ARHGEF28: variants seen among roughly 807,000 people sequenced by gnomAD.
ARHGEF28 encodes Rho guanine nucleotide exchange factor 28.
In ARHGEF28, 152 loss-of-function variants were observed where a neutral mutation model predicts 206.6. The observed-to-expected ratio is 0.74, with a 90% CI of 0.64 to 0.84. The LOEUF is 0.84. Among genes scored for constraint, ARHGEF28 ranks in the 40% least tolerant of loss-of-function variants. The probability of loss-of-function intolerance (pLI) is 0.00; values close to 1 mark genes in which losing one functional copy is unlikely to be tolerated. For synonymous variants in ARHGEF28, 763 were observed against 776.4 expected (o/e 0.98, Z 0.29); for missense variants, 2,028 against 2,073.2 (o/e 0.98, Z 0.42).
chr5:73,767,811 G>A (rs1400823316), intron 4 of ARHGEF28, among the ~76,000 whole-genome samples: 1 of 152,188 alleles, frequency 6.6e-6, no homozygotes, highest in Non-Finnish European at 1.5e-5. Flanking sequence ...AGACAATGGG[G>A]AAAATGTCTC....
At chr5:73,639,796 C>G in intron 1 of ARHGEF28, among the ~76,000 whole-genome samples, 1 of 152,136 alleles carries the variant, frequency 6.6e-6, no homozygotes, top group East Asian at 1.9e-4. Context: ...TGGGGGTTGA[C>G]ATTTATGCAA....
At chr5:73,798,701 G>T (rs1754967667) in intron 9 of ARHGEF28, among the ~76,000 whole-genome samples, 1 of 152,054 alleles carries the variant, frequency 6.6e-6, no homozygotes, top group Non-Finnish European at 1.5e-5. Context: ...GGAAACAGAA[G>T]AAAAGAAGGT....
At chr5:73,927,271 G>C (rs1763872819) in intron 35 of ARHGEF28, among the ~76,000 whole-genome samples, 1 of 152,134 alleles carries the variant, frequency 6.6e-6, no homozygotes, top group African/African-American at 2.4e-5. Context: ...TAGCTACTTG[G>C]GGGGCTGAGG....
intron 2 of ARHGEF28, among the ~76,000 whole-genome samples, chr5:73,741,821 C>T (rs1039336772): frequency 6.6e-6 from 1 of 151,972 alleles, no homozygotes; most frequent in Non-Finnish European, 1.5e-5. Context: ...TTAATTATTT[C>T]TTTGGGTAAG....
At chr5:73,836,303 C>CT (rs58880911) in intron 10 of ARHGEF28, among the ~76,000 whole-genome samples, 4,581 of 126,264 alleles carry the variant, frequency 0.036, 249 homozygotes, top group African/African-American at 0.12. Flanking sequence ...TCCTTGTCAG[C>CT]TTTTTTTTTT....
intron 7 of ARHGEF28, among the ~76,000 whole-genome samples, chr5:73,789,498 G>T (rs970114884): frequency 6.6e-6 from 1 of 151,964 alleles, no homozygotes; most frequent in Admixed American, 6.6e-5. Flanking sequence ...TTATGGTGAT[G>T]GTTGCAGAAC....
intron 28 of ARHGEF28, 97 bp from the exon 29 acceptor site, chr5:73,894,296 A>T (rs1761824939): frequency 2.4e-6 from 3 of 1,272,608 alleles, no homozygotes; most frequent in Non-Finnish European, 3.2e-6. Context: ...TGGAGGTCTT[A>T]CTGCTTGCTA....
intron 11 of ARHGEF28, among the ~76,000 whole-genome samples, chr5:73,843,300 G>A (rs542774749): frequency 6.6e-6 from 1 of 152,306 alleles, no homozygotes; most frequent in African/African-American, 2.4e-5. Context: ...TCAGGGGAAA[G>A]GGAGGAAGCC....
intron 9 of ARHGEF28, among the ~76,000 whole-genome samples, chr5:73,824,271 A>G (rs1055933426): frequency 5.9e-5 from 9 of 152,044 alleles, no homozygotes; most frequent in African/African-American, 2.2e-4. Context: ...GTTTTACACA[A>G]TCTGTTTGTA....
chr5:73,786,415 G>A (rs1224704925), intron 7 of ARHGEF28: 1 of 152,204 alleles, frequency 6.6e-6, no homozygotes, highest in Admixed American at 6.5e-5. Flanking sequence ...ATAGAGCAGA[G>A]GACTGATCTA....
intron 1 of ARHGEF28, among the ~76,000 whole-genome samples, chr5:73,664,931 C>T (rs1302995641): frequency 6.6e-6 from 1 of 152,154 alleles, no homozygotes; most frequent in Non-Finnish European, 1.5e-5. Flanking sequence ...CCTAGTTTCC[C>T]ATGCTAGGAA....
chr5:73,662,276 A>G (rs1240644019), intron 1 of ARHGEF28, among the ~76,000 whole-genome samples: 6 of 152,258 alleles, frequency 3.9e-5, no homozygotes, highest in Non-Finnish European at 7.3e-5. Flanking sequence ...GTGTTGCTTT[A>G]GGAAACACAT....
intron 14 of ARHGEF28, among the ~76,000 whole-genome samples, chr5:73,856,406 A>G (rs1759038138): frequency 6.6e-6 from 1 of 152,218 alleles, no homozygotes; most frequent in Admixed American, 6.5e-5. Context: ...TTTAAGTAAC[A>G]GGACATAACA....
chr5:73,774,637 C>T (rs1753442223), intron 5 of ARHGEF28, among the ~76,000 whole-genome samples: 1 of 152,074 alleles, frequency 6.6e-6, no homozygotes, highest in African/African-American at 2.4e-5. Flanking sequence ...AATTTGTAAA[C>T]TATAATGTTC....
intron 1 of ARHGEF28, among the ~76,000 whole-genome samples, chr5:73,638,857 T>C (rs530950104): frequency 1.6e-4 from 24 of 152,222 alleles, no homozygotes; most frequent in Non-Finnish European, 3.5e-4. Flanking sequence ...CATTTTTTCC[T>C]GCCAGGTGCC....
At chr5:73,915,687 T>C (rs1178134427) in intron 35 of ARHGEF28, among the ~76,000 whole-genome samples, 1 of 152,208 alleles carries the variant, frequency 6.6e-6, no homozygotes, top group Non-Finnish European at 1.5e-5. Flanking sequence ...TGGCTTTTTT[T>C]CTCCTAGCTT....
rs1761747888 is a variant in ARHGEF28 at position 73,893,135 on chromosome 5, A to G, written c.3567-62A>G. 3 of 1,316,464 alleles carry G rather than the reference A, an allele frequency of 2.3e-6. No individual in the cohort carries two copies. In the African/African-American group the frequency reaches 4.5e-5, roughly 20 times the overall value. The allele number at this position is 1,316,464 out of a possible 1,614,324, so 81.5% of individuals were successfully genotyped here. A position where few individuals can be genotyped will look rare whatever the true frequency, so the allele number is the denominator to read the frequency against. Reference sequence around the variant, plus strand: ...TATTGCCAAGTTCCCATGTTTTTCTAATGAATCTACAGATACTTGCATTTG... The same window carrying G: ...TATTGCCAAGTTCCCATGTTTTTCTGATGAATCTACAGATACTTGCATTTG... On this transcript the variant is annotated intron_variant, in intron 27 of 35. Coordinates refer to ENST00000513042, the MANE Select transcript of ARHGEF28 (RefSeq NM_001177693.2).
intron 9 of ARHGEF28, among the ~76,000 whole-genome samples, chr5:73,817,102 GTA>G (rs1756266820): frequency 6.6e-6 from 1 of 152,180 alleles, no homozygotes; most frequent in Non-Finnish European, 1.5e-5. Context: ...GCATACTTTA[GTA>G]TAAATCATTA....
rs1299643004 is a variant in ARHGEF28 at position 73,897,975 on chromosome 5, A to G, written c.3855A>G (p.Gln1285=). The G allele has an allele frequency of 5.7e-6, 9 of 1,582,678 alleles. No homozygotes were observed. Among genetic ancestry groups the G allele is most frequent in the Non-Finnish European group, 7.7e-6 (9 of 1,163,458 alleles). The part of the protein sequence containing the change: ...AAALKEAESL[Q]VAVKASQMGA... ...TCTCCATCTTAGCTGAGAGCCTACA[A>G]GTTGCAGTGAAGGCCTCACAGATGG... The change falls in exon 30 of 36, where the codon CAA becomes CAG. Residue 1285 remains glutamine, a synonymous_variant. Coordinates refer to ENST00000513042, the MANE Select transcript of ARHGEF28 (RefSeq NM_001177693.2).
Sources: gnomAD v4.1 joint callset for allele counts (sites outside exome capture counted in the v4.1 genomes callset) on GRCh38, gnomAD v4.1.1 for gene constraint, MANE v1.5 for transcripts, NCBI Gene and HGNC (gene_info 2026-07-23, HGNC 2026-07-21) for gene names.